TMTC1: variants seen among roughly 807,000 people sequenced by gnomAD.
The protein encoded by TMTC1 is transmembrane O-mannosyltransferase targeting cadherins 1.
TMTC1 carries 73 observed loss-of-function variants against 104.8 expected under a neutral mutation model. The observed-to-expected ratio is 0.70, with a 90% confidence interval of 0.58 to 0.85. The LOEUF (loss-of-function observed/expected upper bound fraction) is 0.85. Ranked by LOEUF, TMTC1 falls within the 40% of genes least tolerant of loss-of-function variation. The pLI is 0.00. For synonymous variants in TMTC1, 434 were observed against 428.7 expected (o/e 1.01, Z -0.15); for missense variants, 1,035 against 1,096.1 (o/e 0.94, Z 0.79).
intron 2 of TMTC1, among the ~76,000 whole-genome samples, chr12:29,760,166 A>G (rs1054126682): frequency 2.0e-5 from 3 of 152,222 alleles, no homozygotes; most frequent in African/African-American, 7.2e-5. Flanking sequence ...GCACAATGAC[A>G]AAATCACCTA....
intron 6 of TMTC1, among the ~76,000 whole-genome samples, chr12:29,629,664 A>C (rs138519502): frequency 6.6e-6 from 1 of 152,296 alleles, no homozygotes; most frequent in African/African-American, 2.4e-5. Context: ...CAGGGGATGG[A>C]GGAGGGGAAA....
At chr12:29,629,347 T>C (rs954339431) in intron 6 of TMTC1, among the ~76,000 whole-genome samples, 3 of 151,776 alleles carry the variant, frequency 2.0e-5, no homozygotes, top group Admixed American at 6.6e-5. Flanking sequence ...AAGCTACCTA[T>C]GACCTGGAAG....
chr12:29,521,257 C>T (rs1014636123), intron 11 of TMTC1, among the ~76,000 whole-genome samples: 2 of 152,188 alleles, frequency 1.3e-5, no homozygotes, highest in Non-Finnish European at 2.9e-5. Context: ...GAGGCAGATG[C>T]AGATGTTGGG....
intron 5 of TMTC1, among the ~76,000 whole-genome samples, chr12:29,644,885 C>T (rs1939198799): frequency 6.6e-6 from 1 of 152,164 alleles, no homozygotes; most frequent in Admixed American, 6.5e-5. Context: ...ACTCCAACTC[C>T]TCTGGATCCT....
intron 5 of TMTC1, among the ~76,000 whole-genome samples, chr12:29,672,611 T>C (rs4617668): frequency 0.55 from 84,269 of 151,958 alleles, 23,624 homozygotes; most frequent in African/African-American, 0.64. Flanking sequence ...TTCTCCAATC[T>C]AGTTTTCAAT....
chr12:29,585,638 C>T (rs1946113027), intron 7 of TMTC1, among the ~76,000 whole-genome samples: 1 of 151,926 alleles, frequency 6.6e-6, no homozygotes, highest in African/African-American at 2.4e-5. Context: ...AGGAAGGGAT[C>T]CAGTTTCAGC....
intron 3 of TMTC1, among the ~76,000 whole-genome samples, chr12:29,757,246 AT>A (rs1229700625): frequency 6.6e-6 from 1 of 152,200 alleles, no homozygotes. Flanking sequence ...CAAGGTCTAG[AT>A]TGGTTTGTAA....
rs1938382368 is a variant in TMTC1 at position 29,633,161 on chromosome 12, A to G, written c.1114T>C (p.Leu372=). The part of the protein sequence containing the change: ...VVMALLSLHC[L]AAFKRLEHKE... The stretch of plus-strand genomic sequence containing the variant: ...GAGAAAATTACCTTAAAGGCTGCTA[A>G]GCAGTGCAGGCTCAATAAGGCCATC... The change falls in exon 6 of 18, where the codon TTA becomes CTA. Residue 372 remains leucine (L), a synonymous_variant. Coordinates refer to ENST00000539277, the MANE Select transcript of TMTC1 (RefSeq NM_001193451.2). 1.2e-6 allele frequency: 2 copies of G among 1,612,958 alleles called. No homozygotes were observed. Among genetic ancestry groups the G allele is most frequent in the Non-Finnish European group, 1.7e-6 (2 of 1,179,328 alleles).
chr12:29,722,261 T>C (rs1485724018), intron 5 of TMTC1, among the ~76,000 whole-genome samples: 1 of 152,218 alleles, frequency 6.6e-6, no homozygotes, highest in Non-Finnish European at 1.5e-5. Flanking sequence ...CATGAAACTT[T>C]TATAAATGTT....
At chr12:29,750,911 C>T (rs1044266580) in intron 5 of TMTC1, among the ~76,000 whole-genome samples, 2 of 152,238 alleles carry the variant, frequency 1.3e-5, no homozygotes, top group South Asian at 2.1e-4. Context: ...ATTTCCTTTG[C>T]TCTGTTTCTG....
At chr12:29,727,374 T>C (rs1224615431) in intron 5 of TMTC1, among the ~76,000 whole-genome samples, 1 of 147,740 alleles carries the variant, frequency 6.8e-6, no homozygotes, top group Non-Finnish European at 1.5e-5. Context: ...TTTATTTTTA[T>C]TTTTATTTAT....
At chr12:29,585,568 T>A (rs1380925723) in intron 7 of TMTC1, among the ~76,000 whole-genome samples, 4 of 152,202 alleles carry the variant, frequency 2.6e-5, no homozygotes, top group African/African-American at 7.2e-5. Flanking sequence ...GTTTTTATAG[T>A]TTTAGGTCTA....
intron 5 of TMTC1, among the ~76,000 whole-genome samples, chr12:29,704,428 G>A (rs2136811878): frequency 6.6e-6 from 1 of 152,282 alleles, no homozygotes; most frequent in Non-Finnish European, 1.5e-5. Flanking sequence ...TGGGGGCATA[G>A]GCAGATAAAG....
At chr12:29,579,958 T>G (rs1945930621) in intron 8 of TMTC1, among the ~76,000 whole-genome samples, 1 of 152,180 alleles carries the variant, frequency 6.6e-6, no homozygotes, top group Admixed American at 6.6e-5. Flanking sequence ...TAAAGGTTAT[T>G]TCAGCTTAGA....
chr12:29,563,071 C>A (rs538553666), intron 9 of TMTC1, among the ~76,000 whole-genome samples: 1 of 152,314 alleles, frequency 6.6e-6, no homozygotes, highest in Admixed American at 6.5e-5. Context: ...TTCTCCTATA[C>A]TGAGAGTTCT....
intron 6 of TMTC1, among the ~76,000 whole-genome samples, chr12:29,627,496 T>C (rs1217269322): frequency 3.9e-5 from 6 of 152,168 alleles, no homozygotes; most frequent in Non-Finnish European, 8.8e-5. Context: ...ATAGGAGCTC[T>C]TGTACATTGC....
intron 7 of TMTC1, among the ~76,000 whole-genome samples, chr12:29,597,238 C>CTT (rs1565697568): frequency 7.6e-6 from 1 of 132,430 alleles, no homozygotes. Context: ...TCTTTCTTTT[C>CTT]TTTCTTTTTT....
intron 6 of TMTC1, among the ~76,000 whole-genome samples, chr12:29,610,297 A>G (rs1015964286): frequency 2.0e-5 from 3 of 152,192 alleles, no homozygotes; most frequent in Admixed American, 6.5e-5. Flanking sequence ...ATCATGTTTC[A>G]GCCCTCGAGT....
intron 9 of TMTC1, among the ~76,000 whole-genome samples, chr12:29,558,665 A>C (rs998147498): frequency 6.6e-6 from 1 of 152,170 alleles, no homozygotes; most frequent in Non-Finnish European, 1.5e-5. Flanking sequence ...CTTTAGAGGA[A>C]GTCTGGCAGA....
Sources: gnomAD v4.1 joint callset for allele counts (sites outside exome capture counted in the v4.1 genomes callset) on GRCh38, gnomAD v4.1.1 for gene constraint, MANE v1.5 for transcripts, NCBI Gene and HGNC (gene_info 2026-07-23, HGNC 2026-07-21) for gene names.